LIN7A: variants seen among roughly 807,000 people sequenced by gnomAD.
LIN7A encodes the protein protein lin-7 homolog A.
LIN7A carries 25 observed loss-of-function variants against 29.8 expected under a neutral mutation model. The observed-to-expected ratio is 0.84, with a 90% CI of 0.61 to 1.17. LIN7A has a LOEUF of 1.17. Among genes scored for constraint, LIN7A ranks in the 50% most tolerant of loss-of-function variants. The probability of loss-of-function intolerance (pLI) is 0.00; values close to 1 mark genes in which losing one functional copy is unlikely to be tolerated. For synonymous variants in LIN7A, 118 were observed against 107.5 expected, an observed-to-expected ratio of 1.10 and a Z score of -0.60; for missense variants, 239 against 287.0, an observed-to-expected ratio of 0.83 and a Z score of 1.21.
chr12:80,905,048 T>A (rs1160163388), intron 1 of LIN7A, among the ~76,000 whole-genome samples: 1 of 152,204 alleles, frequency 6.6e-6, no homozygotes, highest in East Asian at 1.9e-4. Flanking sequence ...AGTGTCTGTG[T>A]GTGTGTGTGT....
Position 80,937,700 on chromosome 12 carries a change from G to T in LIN7A, c.23C>A (p.Ser8Ter), listed in dbSNP as rs1022414768. 4.5e-5 allele frequency: 66 copies of T among 1,471,786 alleles called. No homozygotes were observed. The Admixed American group carries it at 9.3e-4, about 21-fold the overall frequency. 91.2% of individuals were successfully genotyped at this position (1,471,786 alleles called of 1,614,324 possible). A position where few individuals can be genotyped will look rare whatever the true frequency, so the allele number is the denominator to read the frequency against. Residue 8 changes from serine to a stop codon, truncating the protein, a stop_gained, in exon 1 of 6, where the codon TCG becomes TAG. Coordinates refer to ENST00000552864, the MANE Select transcript of LIN7A (RefSeq NM_004664.4). LOFTEE classifies it high-confidence loss of function. ...TGTCGCCATGTCTGCCGTGGGAGCC[G>T]AAGTGACGCTCGGCTTCAGCATCAG... is the stretch of plus-strand genomic sequence containing the variant. MLKPSVT[S>*]APTADMATLT...
chr12:80,865,613 T>G (rs575126614), intron 2 of LIN7A, among the ~76,000 whole-genome samples: 3 of 152,310 alleles, frequency 2.0e-5, no homozygotes, highest in Non-Finnish European at 2.9e-5. Flanking sequence ...ATGTCCACTT[T>G]GGGGCTGAAA....
chr12:80,916,992 T>C (rs1877060461), intron 1 of LIN7A, among the ~76,000 whole-genome samples: 1 of 152,168 alleles, frequency 6.6e-6, no homozygotes, highest in Non-Finnish European at 1.5e-5. Context: ...TGGCATATGG[T>C]CAGTTAATAA....
intron 5 of LIN7A, among the ~76,000 whole-genome samples, chr12:80,801,897 C>CTTT (rs538377751): frequency 0.03 from 4,145 of 138,566 alleles, 244 homozygotes; most frequent in African/African-American, 0.11. Flanking sequence ...ATGAGTCTAA[C>CTTT]TTTTTTTTTT....
In LIN7A at chr12:80,852,832, T is replaced by G. The variant is rs1369734245; in HGVS notation, c.202-4510A>C. On this transcript the variant is annotated intron_variant, in intron 2 of 5. Transcript: ENST00000552864. ...CCCAGTTTCAATCCCCTTCTCCCAG[T>G]ATTGTCTGACCATATGACCCAGTTC... Among the ~76,000 whole-genome samples the G allele has an allele frequency of 2.0e-5, 3 of 152,210 alleles. No individual in the cohort carries two copies. The East Asian group carries it at 5.8e-4, about 29-fold the overall frequency.
At chr12:80,823,137 C>T (rs1255784013) in intron 4 of LIN7A, among the ~76,000 whole-genome samples, 1 of 152,234 alleles carries the variant, frequency 6.6e-6, no homozygotes. Flanking sequence ...TCACTCTCCA[C>T]TTGTCTACCT....
intron 1 of LIN7A, among the ~76,000 whole-genome samples, chr12:80,917,397 TG>T (rs1367063947): frequency 4.6e-5 from 7 of 152,180 alleles, no homozygotes; most frequent in African/African-American, 1.7e-4. Context: ...AAACATAAAC[TG>T]GCTGTTTTAA....
chr12:80,912,065 T>C (rs1445571988), intron 1 of LIN7A, among the ~76,000 whole-genome samples: 1 of 152,216 alleles, frequency 6.6e-6, no homozygotes, highest in African/African-American at 2.4e-5. Flanking sequence ...TTCTCTTATA[T>C]GTGCATCTCA....
chr12:80,935,516 C>A (rs1363525771), intron 1 of LIN7A, among the ~76,000 whole-genome samples: 1 of 152,152 alleles, frequency 6.6e-6, no homozygotes, highest in Non-Finnish European at 1.5e-5. Context: ...AGCTAGGACC[C>A]AGATATGTAA....
chr12:80,937,147 A>C, intron 1 of LIN7A: 1 of 153,586 alleles, frequency 6.5e-6, no homozygotes, highest in Non-Finnish European at 1.4e-5. Context: ...GGCCGCCGGG[A>C]CTCCAGCAGT....
At chr12:80,809,055 G>A (rs1211151411) in intron 5 of LIN7A, among the ~76,000 whole-genome samples, 3 of 150,662 alleles carry the variant, frequency 2.0e-5, no homozygotes, top group Admixed American at 1.3e-4. Context: ...GCTCGATCTC[G>A]GCTTACTGCA....
intron 1 of LIN7A, among the ~76,000 whole-genome samples, chr12:80,905,982 A>C (rs1592940095): frequency 6.6e-6 from 1 of 152,268 alleles, no homozygotes; most frequent in Admixed American, 6.5e-5. Context: ...ATTTTAGATA[A>C]GTTCTTTCAT....
chr12:80,803,643 T>G (rs1592844849), intron 5 of LIN7A, among the ~76,000 whole-genome samples: 1 of 152,298 alleles, frequency 6.6e-6, no homozygotes, highest in Non-Finnish European at 1.5e-5. Context: ...TTTTGGGATT[T>G]TTTTTTCCTA....
intron 5 of LIN7A, 68 bp downstream of exon 5, chr12:80,811,397 A>T: frequency 1.6e-6 from 1 of 616,914 alleles, no homozygotes; most frequent in Non-Finnish European, 3.0e-6. Flanking sequence ...AAGTATATTC[A>T]TATATACATA....
At chr12:80,842,960 G>T (rs1179261380) in intron 4 of LIN7A, among the ~76,000 whole-genome samples, 1 of 138,892 alleles carries the variant, frequency 7.2e-6, no homozygotes, top group Non-Finnish European at 1.6e-5. Context: ...AGGGTAGTTA[G>T]CCAGCATTAG....
At chr12:80,829,378 AT>A (rs1421842008) in intron 4 of LIN7A, among the ~76,000 whole-genome samples, 3 of 152,134 alleles carry the variant, frequency 2.0e-5, no homozygotes, top group African/African-American at 7.2e-5. Flanking sequence ...GACATCGTTA[AT>A]TTGCTGAAAC....
intron 4 of LIN7A, among the ~76,000 whole-genome samples, chr12:80,814,341 A>G (rs967523703): frequency 2.0e-5 from 3 of 152,176 alleles, no homozygotes; most frequent in Non-Finnish European, 4.4e-5. Context: ...TTCCTTTGAA[A>G]GGAAAACTTG....
At chr12:80,800,222 G>A (rs958854548) in intron 5 of LIN7A, among the ~76,000 whole-genome samples, 5 of 152,064 alleles carry the variant, frequency 3.3e-5, no homozygotes, top group Admixed American at 2.6e-4. Flanking sequence ...GGGTACGGTG[G>A]CTCACACCTG....
At chr12:80,888,590 G>A (rs117454579) in intron 2 of LIN7A, among the ~76,000 whole-genome samples, 16 of 152,190 alleles carry the variant, frequency 1.1e-4, no homozygotes, top group East Asian at 3.9e-4. Flanking sequence ...GGTTCCTGAC[G>A]GGGAAGGAGT....
Sources: gnomAD v4.1 joint callset for allele counts (sites outside exome capture counted in the v4.1 genomes callset) on GRCh38, gnomAD v4.1.1 for gene constraint, MANE v1.5 for transcripts, NCBI Gene and HGNC (gene_info 2026-07-23, HGNC 2026-07-21) for gene names.